The following STXBP5L variants were observed in gnomAD, a reference collection of about 807,000 sequenced individuals.
STXBP5L encodes syntaxin binding protein 5L, also known as syntaxin-binding protein 5-like.
STXBP5L carries 65 observed loss-of-function variants against 144.5 expected under a neutral mutation model. The observed-to-expected ratio is 0.45, with a 90% confidence interval of 0.37 to 0.55. The LOEUF is 0.55. STXBP5L is among the 20% of genes least tolerant of loss of function. The pLI is 0.00. For missense variants in STXBP5L, 1,298 were observed against 1,405.5 expected (o/e 0.92, Z 1.22); for synonymous variants, 505 against 469.6 (o/e 1.08, Z -0.97).
intron 14 of STXBP5L, among the ~76,000 whole-genome samples, chr3:121,242,925 G>A (rs566168711): frequency 1.7e-4 from 26 of 152,140 alleles, no homozygotes; most frequent in African/African-American, 3.1e-4. Flanking sequence ...TTCAGAAACC[G>A]TTTAGGAAGT....
At chr3:121,139,346 T>C (rs1342333910) in intron 7 of STXBP5L, among the ~76,000 whole-genome samples, 3 of 152,112 alleles carry the variant, frequency 2.0e-5, no homozygotes, top group Admixed American at 6.5e-5. Context: ...CTCTCTCTTA[T>C]AAACATGTAC....
chr3:121,056,235 A>G (rs1377962597), intron 5 of STXBP5L, among the ~76,000 whole-genome samples: 1 of 152,200 alleles, frequency 6.6e-6, no homozygotes, highest in Non-Finnish European at 1.5e-5. Flanking sequence ...ATAAAATAAA[A>G]CATTCATATT....
chr3:120,978,227 G>A (rs911062723), intron 3 of STXBP5L, among the ~76,000 whole-genome samples: 1 of 152,104 alleles, frequency 6.6e-6, no homozygotes, highest in Non-Finnish European at 1.5e-5. Flanking sequence ...CATATTTCTT[G>A]GAGGCTTTGT....
chr3:121,399,962 A>G (rs889433782), intron 22 of STXBP5L, among the ~76,000 whole-genome samples: 4 of 152,206 alleles, frequency 2.6e-5, no homozygotes, highest in Admixed American at 1.3e-4. Flanking sequence ...TTTCTGATTC[A>G]GTAGGTCTGA....
chr3:120,969,203 AT>A (rs546239807), intron 3 of STXBP5L, among the ~76,000 whole-genome samples: 111 of 145,690 alleles, frequency 7.6e-4, no homozygotes, highest in East Asian at 1.4e-3. Context: ...GCCAACATCT[AT>A]TTTTTTTTTT....
intron 2 of STXBP5L, among the ~76,000 whole-genome samples, chr3:120,943,514 A>G (rs142863661): frequency 6.6e-6 from 1 of 151,840 alleles, no homozygotes; most frequent in African/African-American, 2.4e-5. Flanking sequence ...TATATTTAGT[A>G]TCTATACTTA....
intron 3 of STXBP5L, among the ~76,000 whole-genome samples, chr3:121,003,263 C>T (rs997326121): frequency 4.1e-4 from 62 of 152,092 alleles, no homozygotes; most frequent in Middle Eastern, 3.4e-3. Flanking sequence ...TGGTGTGAGA[C>T]GGTATCTCAT....
rs148735898 is a variant in STXBP5L at position 121,033,963 on chromosome 3, A to G, written c.288-7737A>G. Among the ~76,000 whole-genome samples, 104 of 152,216 alleles carry G rather than the reference A, an allele frequency of 6.8e-4. 1 individual carries two copies. Among genetic ancestry groups the G allele is most frequent in the Admixed American group, 1.4e-3 (21 of 15,260 alleles). On this transcript the variant is annotated intron_variant, in intron 3 of 26. Coordinates refer to ENST00000471454, the MANE Select transcript of STXBP5L (RefSeq NM_001308330.2). ...AATAGTATTTTCTCATGCCATTTCT[A>G]TGTTTTTAAAAATTGATTCTATGCA...
At chr3:121,011,925 C>T (rs1944803441) in intron 3 of STXBP5L, among the ~76,000 whole-genome samples, 1 of 151,698 alleles carries the variant, frequency 6.6e-6, no homozygotes, top group Non-Finnish European at 1.5e-5. Flanking sequence ...TTCCATCACT[C>T]CAGAAAGAAA....
chr3:121,067,035 C>G (rs528055971), intron 5 of STXBP5L, among the ~76,000 whole-genome samples: 2 of 151,994 alleles, frequency 1.3e-5, no homozygotes, highest in Admixed American at 6.5e-5. Flanking sequence ...ATTTTCAATT[C>G]CTAATATTGG....
chr3:120,996,737 C>T (rs1264122860), intron 3 of STXBP5L, among the ~76,000 whole-genome samples: 3 of 152,174 alleles, frequency 2.0e-5, no homozygotes, highest in East Asian at 3.9e-4. Flanking sequence ...GAGTTTTTCA[C>T]TTATCTTAAT....
At chr3:120,980,229 G>A (rs2107867342) in intron 3 of STXBP5L, among the ~76,000 whole-genome samples, 1 of 152,168 alleles carries the variant, frequency 6.6e-6, no homozygotes, top group South Asian at 2.1e-4. Context: ...ATTTCTATCT[G>A]TTCTATTTAG....
Position 121,407,274 on chromosome 3 carries a change from A to G in STXBP5L, c.2619A>G (p.Leu873=). The part of the protein sequence containing the change: ...GTFLSLKGAV[L]TFSCMDRMGG... ...TCCTCTCATTGAAAGGAGCTGTGCTAACATTCTCCTGTATGGACCGAATGG... is the reference window on the plus strand; with the variant it reads ...TCCTCTCATTGAAAGGAGCTGTGCTGACATTCTCCTGTATGGACCGAATGG... The change falls in exon 23 of 27, where the codon CTA becomes CTG. Residue 873 remains leucine (L), a synonymous_variant. Transcript: ENST00000471454. The G allele has an allele frequency of 1.3e-6, 2 of 1,594,312 alleles. No individual in the cohort carries two copies. Among genetic ancestry groups the G allele is most frequent in the Non-Finnish European group, 1.7e-6 (2 of 1,171,460 alleles).
At chr3:121,381,166 T>C (rs937002312) in intron 21 of STXBP5L, 127 bp from the exon 22 acceptor site, 5 of 920,362 alleles carry the variant, frequency 5.4e-6, no homozygotes. Flanking sequence ...AAGCTCCCTC[T>C]CAGGTCAATT....
At chr3:121,116,362 A>G (rs542055206) in intron 6 of STXBP5L, among the ~76,000 whole-genome samples, 1 of 152,254 alleles carries the variant, frequency 6.6e-6, no homozygotes, top group East Asian at 1.9e-4. Context: ...TTGCTTCATA[A>G]GGAAGGTTGT....
At chr3:121,411,289 A>G (rs939354867) in intron 23 of STXBP5L, among the ~76,000 whole-genome samples, 2 of 152,212 alleles carry the variant, frequency 1.3e-5, no homozygotes, top group East Asian at 1.9e-4. Context: ...CCCATTTTAC[A>G]TAGTAAATTT....
chr3:121,341,762 C>A (rs1167191315), intron 20 of STXBP5L, among the ~76,000 whole-genome samples: 1 of 151,980 alleles, frequency 6.6e-6, no homozygotes, highest in Non-Finnish European at 1.5e-5. Flanking sequence ...AAGCCAGACA[C>A]AGAAAGACAA....
chr3:121,307,674 C>T (rs919650398), intron 19 of STXBP5L, among the ~76,000 whole-genome samples: 3 of 151,874 alleles, frequency 2.0e-5, no homozygotes, highest in Non-Finnish European at 4.4e-5. Flanking sequence ...CTCAGAGAAA[C>T]ATGGGACACA....
At chr3:121,214,506 T>C (rs768922427) in intron 10 of STXBP5L, among the ~76,000 whole-genome samples, 3 of 152,134 alleles carry the variant, frequency 2.0e-5, no homozygotes, top group Non-Finnish European at 4.4e-5. Flanking sequence ...GTTTCCATGT[T>C]GTTTTGTGGT....
Sources: allele counts gnomAD v4.1 joint callset (sites outside exome capture counted in the v4.1 genomes callset), GRCh38; gene constraint gnomAD v4.1.1; transcripts MANE v1.5; gene names NCBI Gene and HGNC (gene_info 2026-07-23, HGNC 2026-07-21).